NEB: variants seen among roughly 807,000 people sequenced by gnomAD.
NEB encodes nebulin.
In NEB, 512 loss-of-function variants were observed where a neutral mutation model predicts 952.2. The ratio of observed to expected loss-of-function variants is 0.54; its 90% CI spans 0.50 to 0.58. The LOEUF is 0.58. Among genes scored for constraint, NEB ranks in the 20% least tolerant of loss-of-function variants. The pLI is 0.00. For synonymous variants in NEB, 2,900 were observed against 3,149.8 expected, an observed-to-expected ratio of 0.92 and a Z score of 2.66; for missense variants, 8,428 against 9,231.1, an observed-to-expected ratio of 0.91 and a Z score of 3.56.
At position 151,570,313 on chromosome 2, in the gene NEB, C is replaced by T. The variant is rs371681892; in HGVS notation, c.17198G>A (p.Arg5733His). 1.3e-5 allele frequency: 21 copies of T among 1,610,242 alleles called. No individual in the cohort carries two copies. The African/African-American group carries it at 2.0e-4, about 15-fold the overall frequency. Residue 5733 changes from arginine (R) to histidine (H), a missense_variant, in exon 109 of 182, where the codon CGC (arginine) becomes CAC (histidine). Coordinates refer to ENST00000397345, the MANE Select transcript of NEB (RefSeq NM_001164508.2). ...TLTARDDNKI[R>H]WALIADKLQN... ...GAGCTTGTCAGCTATGAGGGCCCAG[C>T]GGATCTTGTTGTCATCCCTGGCTGT...
intron 81 of NEB, among the ~76,000 whole-genome samples, chr2:151,608,905 CAAAA>C (rs1163520121): frequency 2.0e-4 from 7 of 34,434 alleles, no homozygotes; most frequent in Non-Finnish European, 3.2e-4. Flanking sequence ...CTCCGTCTCA[CAAAA>C]AAAAAAAAAA....
Position 151,498,958 on chromosome 2 carries a change from C to T in NEB, c.24114+340G>A, listed in dbSNP as rs13405323. ...AGATAGAAAAGGTTAGAATAAGAAACGAGGATAATAGTCGGATCTTTGCAA... is the reference window on the plus strand; with the variant it reads ...AGATAGAAAAGGTTAGAATAAGAAATGAGGATAATAGTCGGATCTTTGCAA... On this transcript the variant is annotated intron_variant, in intron 169 of 181. Transcript: ENST00000397345. Among the ~76,000 whole-genome samples, 925 of 151,422 alleles carry T rather than the reference C, an allele frequency of 6.1e-3. 12 individuals carry two copies. Among genetic ancestry groups the T allele is most frequent in the African/African-American group, 0.021 (874 of 41,334 alleles).
intron 139 of NEB, 78 bp downstream of exon 139, chr2:151,538,062 G>A: frequency 2.0e-6 from 3 of 1,505,210 alleles, no homozygotes; most frequent in Non-Finnish European, 2.8e-6. Flanking sequence ...TCAGAAGAGG[G>A]AGGTTGCTAA....
At position 151,710,594 on chromosome 2, in the gene NEB, A is replaced by T. The variant is rs190103999; in HGVS notation, c.823-56T>A. ...CATAACTCATGAATTGACAAATAAG[A>T]CAGCAAATTAAGAAATAATGATTAA... is the stretch of plus-strand genomic sequence containing the variant. On this transcript the variant is annotated intron_variant, in intron 10 of 181. Transcript: ENST00000397345. 3.0e-4 allele frequency: 314 copies of T among 1,040,570 alleles called. 1 individual carries two copies. The African/African-American group carries it at 4.6e-3, about 15-fold the overall frequency. 64.5% of individuals were successfully genotyped at this position (1,040,570 alleles called of 1,614,324 possible). A position where few individuals can be genotyped will look rare whatever the true frequency, so the allele number is the denominator to read the frequency against.
chr2:151,625,569 T>G lies in NEB; in HGVS notation c.10417A>C (p.Met3473Leu). 1 of 1,605,800 alleles carries G rather than the reference T, an allele frequency of 6.2e-7. No individual in the cohort carries two copies. The highest frequency in any genetic ancestry group is 8.5e-7 in the Non-Finnish European group (1 of 1,174,300). Residue 3473 changes from methionine to leucine, a missense_variant, in exon 71 of 182, where the codon ATG becomes CTG. By Grantham distance (15) the Met-to-Leu change is conservative. Coordinates refer to ENST00000397345, the MANE Select transcript of NEB (RefSeq NM_001164508.2). The stretch of plus-strand genomic sequence containing the variant: ...TTTATTTTATTTTGTCTTGCCAACA[T>G]GATTTCAGGTGTATCAGGCATAATA... ...VHIMPDTPEI[M>L]LARQNKINYS...
intron 84 of NEB, among the ~76,000 whole-genome samples, chr2:151,605,262 C>T (rs1180187737): frequency 7.6e-6 from 1 of 130,810 alleles, no homozygotes; most frequent in Non-Finnish European, 1.7e-5. Context: ...CTCACAATGT[C>T]TCTATGAGGT....
At chr2:151,610,373 C>A in intron 80 of NEB, 143 bp downstream of exon 80, 1 of 727,300 alleles carries the variant, frequency 1.4e-6, no homozygotes, top group South Asian at 1.9e-5. Context: ...TTCTCTGTAA[C>A]AACAAAGGGA....
chr2:151,502,593 ATAAATAT>A (rs1011866627), intron 167 of NEB, among the ~76,000 whole-genome samples, 193 bp downstream of exon 167: 20 of 152,160 alleles, frequency 1.3e-4, no homozygotes, highest in Non-Finnish European at 2.1e-4. Context: ...AAAGAAAGTG[ATAAATAT>A]CTATGTTTTA....
intron 177 of NEB, 35 bp from the exon 178 acceptor site, chr2:151,492,316 A>G (rs746169321): frequency 5.0e-6 from 8 of 1,601,750 alleles, no homozygotes; most frequent in Non-Finnish European, 6.0e-6. Flanking sequence ...TGAAAATATG[A>G]TGGTGTGACT....
intron 107 of NEB, among the ~76,000 whole-genome samples, chr2:151,572,877 A>G (rs2096690069): frequency 6.6e-6 from 1 of 151,728 alleles, no homozygotes; most frequent in Non-Finnish European, 1.5e-5. Context: ...TAACTAAAAA[A>G]AAAAAAAAAA....
intron 125 of NEB, 66 bp from the exon 126 acceptor site, chr2:151,554,091 A>G (rs1260052929): frequency 6.6e-7 from 1 of 1,504,372 alleles, no homozygotes; most frequent in East Asian, 2.3e-5. Context: ...GCCATACATG[A>G]GAAGTCAGGC....
chr2:151,516,014 C>T (rs948525976), intron 157 of NEB, among the ~76,000 whole-genome samples: 19 of 152,106 alleles, frequency 1.2e-4, no homozygotes, highest in Admixed American at 6.5e-4. Context: ...TCTAAAATAA[C>T]GAATATGGCA....
intron 70 of NEB, among the ~76,000 whole-genome samples, chr2:151,626,753 T>A (rs1256437416): frequency 2.6e-5 from 4 of 152,136 alleles, no homozygotes; most frequent in Non-Finnish European, 5.9e-5. Context: ...CTCGATCTCC[T>A]GACCTCATGA....
At chr2:151,721,036 A>T (rs974589146) in intron 9 of NEB, among the ~76,000 whole-genome samples, 5 of 152,104 alleles carry the variant, frequency 3.3e-5, no homozygotes, top group Admixed American at 1.3e-4. Flanking sequence ...CCAGACCACC[A>T]GTCTACAGTC....
Position 151,669,077 on chromosome 2 carries a change from C to A in NEB, c.4561G>T (p.Glu1521Ter). The A allele has an allele frequency of 6.3e-7, 1 of 1,596,236 alleles. No homozygotes were observed. Among genetic ancestry groups the A allele is most frequent in the East Asian group, 2.2e-5 (1 of 44,516 alleles). Residue 1521 changes from glutamate to a stop codon, truncating the protein, a stop_gained, in exon 39 of 182, where the codon GAA becomes TAA. Coordinates refer to ENST00000397345, the MANE Select transcript of NEB (RefSeq NM_001164508.2). LOFTEE classifies it high-confidence loss of function. ...TTGGCTTGAATAAACTGAGGCAATT[C>A]AGGGTCAATAGTATACTTGTGCTTC... Reference protein sequence around the residue: ...KLKHKYTIDPELPQFIQAKVN... With the variant: ...KLKHKYTIDP
intron 166 of NEB, 83 bp from the exon 167 acceptor site, chr2:151,502,968 T>C: frequency 1.3e-6 from 1 of 798,518 alleles, no homozygotes; most frequent in Non-Finnish European, 2.0e-6. Context: ...GAAGGGGTTA[T>C]ATGTGAGGAG....
At chr2:151,724,495 C>G in intron 7 of NEB, 131 bp from the exon 8 acceptor site, 2 of 693,804 alleles carry the variant, frequency 2.9e-6, no homozygotes, top group Non-Finnish European at 5.2e-6. Context: ...AAAACATTGA[C>G]CATGCCAACA....
chr2:151,492,983 C>G (rs1365733454), intron 176 of NEB: 8 of 219,978 alleles, frequency 3.6e-5, no homozygotes, highest in Admixed American at 5.5e-5. Flanking sequence ...CAGAGTATTA[C>G]CCATGTCATA....
At position 151,630,759 on chromosome 2, in the gene NEB, G is replaced by C. The variant is rs778571060; in HGVS notation, c.9679C>G (p.Pro3227Ala). The change falls in exon 67 of 182, where the codon CCA becomes GCA. Residue 3227 changes from proline (P) to alanine (A), a missense_variant. Coordinates refer to ENST00000397345, the MANE Select transcript of NEB (RefSeq NM_001164508.2). ...TTCTGCCTTGCCAACATAATCTCTGGTGTATCAGGCATTATGTGAATTTGA... is the reference window on the plus strand; with the variant it reads ...TTCTGCCTTGCCAACATAATCTCTGCTGTATCAGGCATTATGTGAATTTGA... ...KTQIHIMPDTPEIMLARQNKI... is the reference protein window; with the variant it reads ...KTQIHIMPDTAEIMLARQNKI... 7 of 1,611,718 alleles carry C rather than the reference G, an allele frequency of 4.3e-6. No individual in the cohort carries two copies. The highest frequency in any genetic ancestry group is 2.7e-5 in the African/African-American group (2 of 75,016).
Sources: allele counts gnomAD v4.1 joint callset (sites outside exome capture counted in the v4.1 genomes callset), GRCh38; gene constraint gnomAD v4.1.1; transcripts MANE v1.5; gene names NCBI Gene and HGNC (gene_info 2026-07-23, HGNC 2026-07-21).